Variants in ATG10 observed in about 807,000 individuals in gnomAD.
ATG10 encodes autophagy related 10, also known as ubiquitin-like-conjugating enzyme ATG10.
A neutral mutation model predicts 32.1 loss-of-function variants in ATG10; 30 were observed. That is an observed-to-expected ratio of 0.94 (90% confidence interval 0.70 to 1.27). The LOEUF (loss-of-function observed/expected upper bound fraction) is 1.27, where lower values mean the gene tolerates loss of function less well. Among genes scored for constraint, ATG10 ranks in the 50% most tolerant of loss-of-function variants. ATG10 has a pLI of 0.00. For missense variants in ATG10, 233 were observed against 262.3 expected (o/e 0.89, Z 0.77); for synonymous variants, 87 against 91.5 (o/e 0.95, Z 0.28).
chr5:81,972,982 G>A (rs946462809), intron 1 of ATG10, among the ~76,000 whole-genome samples: 2 of 152,068 alleles, frequency 1.3e-5, no homozygotes, highest in African/African-American at 4.8e-5. Context: ...ACTATATTTT[G>A]TTTGGCATGA....
intron 5 of ATG10, among the ~76,000 whole-genome samples, chr5:82,218,052 T>TACACACACAC (rs60254193): frequency 0.078 from 11,319 of 145,114 alleles, 464 homozygotes; most frequent in African/African-American, 0.1. Flanking sequence ...GTTCTCTCTT[T>TACACACACAC]ACACACACAC....
intron 5 of ATG10, among the ~76,000 whole-genome samples, chr5:82,250,818 T>TA (rs999649889): frequency 1.3e-5 from 2 of 152,148 alleles, no homozygotes; most frequent in African/African-American, 2.4e-5. Flanking sequence ...GGCAGACACA[T>TA]AAAAAAGATG....
chr5:82,238,977 A>G (rs1466203030), intron 5 of ATG10, among the ~76,000 whole-genome samples: 2 of 152,208 alleles, frequency 1.3e-5, no homozygotes, highest in Non-Finnish European at 2.9e-5. Flanking sequence ...GTGGAAGCCA[A>G]TAGATAAGAG....
In ATG10 at chr5:82,225,793, G is replaced by A. The variant is rs560042496; in HGVS notation, c.454-26769G>A. ...GTCAACATTATAAATGCTTCTAGAG[G>A]GAACGGGAATACTTGACTCCATTAG... is the stretch of plus-strand genomic sequence containing the variant. On this transcript the variant is annotated intron_variant, in intron 5 of 7. Coordinates refer to ENST00000282185, the MANE Select transcript of ATG10 (RefSeq NM_031482.5). 9.2e-5 allele frequency among the ~76,000 whole-genome samples: 14 copies of A among 152,178 alleles called. No homozygotes were observed. The South Asian group carries it at 2.7e-3, about 29-fold the overall frequency.
chr5:82,132,401 CT>C (rs1766576389), intron 3 of ATG10, among the ~76,000 whole-genome samples: 1 of 151,178 alleles, frequency 6.6e-6, no homozygotes, highest in Admixed American at 6.6e-5. Context: ...TATCCCTCCC[CT>C]AGCCCCCCCA....
intron 4 of ATG10, among the ~76,000 whole-genome samples, chr5:82,169,922 A>G (rs1410698990): frequency 6.6e-6 from 1 of 152,230 alleles, no homozygotes; most frequent in South Asian, 2.1e-4. Flanking sequence ...GGGAATTAGG[A>G]TAGAAGTCAC....
intron 5 of ATG10, among the ~76,000 whole-genome samples, chr5:82,214,526 G>T (rs1308803450): frequency 6.6e-6 from 1 of 152,114 alleles, no homozygotes; most frequent in Non-Finnish European, 1.5e-5. Context: ...ATAGGATGAA[G>T]ATTTTTTTAA....
At chr5:82,038,630 C>T (rs1763001748) in intron 2 of ATG10, among the ~76,000 whole-genome samples, 1 of 152,208 alleles carries the variant, frequency 6.6e-6, no homozygotes, top group Admixed American at 6.5e-5. Context: ...GGCCAGTTCT[C>T]TCTTTCTAAG....
At chr5:82,100,940 T>C (rs577166366) in intron 3 of ATG10, among the ~76,000 whole-genome samples, 10 of 152,226 alleles carry the variant, frequency 6.6e-5, no homozygotes, top group East Asian at 1.9e-4. Context: ...GTGGATTGCA[T>C]TGAGCTGTAT....
At chr5:82,002,464 A>G (rs1268574911) in intron 2 of ATG10, among the ~76,000 whole-genome samples, 1 of 152,252 alleles carries the variant, frequency 6.6e-6, no homozygotes. Flanking sequence ...TGTAGCCATA[A>G]AAAAAGAAAA....
At chr5:82,127,460 C>T (rs1315910861) in intron 3 of ATG10, among the ~76,000 whole-genome samples, 1 of 152,090 alleles carries the variant, frequency 6.6e-6, no homozygotes, top group Non-Finnish European at 1.5e-5. Context: ...TTAGTTGTGT[C>T]CCAGAGATTC....
intron 3 of ATG10, among the ~76,000 whole-genome samples, chr5:82,067,390 C>A (rs1763972117): frequency 6.6e-6 from 1 of 152,098 alleles, no homozygotes; most frequent in Non-Finnish European, 1.5e-5. Flanking sequence ...TTTACTCATT[C>A]TTGAAACTAA....
chr5:82,115,583 A>G (rs1005481393), intron 3 of ATG10, among the ~76,000 whole-genome samples: 1 of 152,136 alleles, frequency 6.6e-6, no homozygotes, highest in African/African-American at 2.4e-5. Flanking sequence ...TGGCAGAGGT[A>G]GGATTCAAAT....
intron 3 of ATG10, among the ~76,000 whole-genome samples, chr5:82,157,458 C>G (rs1241735768): frequency 7.1e-6 from 1 of 140,416 alleles, no homozygotes; most frequent in Non-Finnish European, 1.5e-5. Flanking sequence ...TTGTGACAGT[C>G]ACTTACTCAG....
intron 5 of ATG10, among the ~76,000 whole-genome samples, chr5:82,238,657 T>G (rs1033170484): frequency 5.9e-5 from 9 of 152,204 alleles, no homozygotes; most frequent in African/African-American, 2.2e-4. Flanking sequence ...ATATAGAATG[T>G]GCTCCATAAA....
intron 3 of ATG10, among the ~76,000 whole-genome samples, chr5:82,139,670 G>C (rs1359181151): frequency 6.8e-6 from 1 of 146,906 alleles, no homozygotes; most frequent in Non-Finnish European, 1.5e-5. Context: ...GGGAAGTGAG[G>C]AGCGTCTCCG....
intron 3 of ATG10, among the ~76,000 whole-genome samples, chr5:82,088,551 A>T (rs1764765843): frequency 6.6e-6 from 1 of 152,220 alleles, no homozygotes; most frequent in Non-Finnish European, 1.5e-5. Flanking sequence ...ACACTCAACT[A>T]GAGTGCGTTC....
intron 3 of ATG10, among the ~76,000 whole-genome samples, chr5:82,093,099 G>T (rs1246256535): frequency 6.6e-6 from 1 of 152,092 alleles, no homozygotes; most frequent in Non-Finnish European, 1.5e-5. Context: ...CTGACTTTAA[G>T]CAATTTGATT....
At chr5:82,114,403 T>C (rs1355825053) in intron 3 of ATG10, among the ~76,000 whole-genome samples, 1 of 152,144 alleles carries the variant, frequency 6.6e-6, no homozygotes, top group Admixed American at 6.6e-5. Flanking sequence ...AGGAACACTT[T>C]TATGCACATA....
Sources: gnomAD v4.1 joint callset for allele counts (sites outside exome capture counted in the v4.1 genomes callset) on GRCh38, gnomAD v4.1.1 for gene constraint, MANE v1.5 for transcripts, NCBI Gene and HGNC (gene_info 2026-07-23, HGNC 2026-07-21) for gene names.